CNTN6: variants seen among roughly 807,000 people sequenced by gnomAD.
CNTN6 encodes contactin 6.
A neutral mutation model predicts 122.8 loss-of-function variants in CNTN6; 137 were observed. That is an observed-to-expected ratio of 1.12 (90% confidence interval 0.97 to 1.29). The LOEUF is 1.29. CNTN6 is among the 50% of genes most tolerant of loss of function. CNTN6 has a pLI of 0.00. For missense variants in CNTN6, 1,634 were observed against 1,223.4 expected (o/e 1.34, Z -5.01); for synonymous variants, 570 against 426.0 (o/e 1.34, Z -4.16).
intron 7 of CNTN6, among the ~76,000 whole-genome samples, chr3:1,317,444 T>C (rs1700247112): frequency 1.3e-5 from 2 of 151,876 alleles, no homozygotes; most frequent in Admixed American, 1.3e-4. Flanking sequence ...AAAAATAATA[T>C]ATTGGCTAAC....
intron 12 of CNTN6, among the ~76,000 whole-genome samples, chr3:1,356,008 T>C (rs1311709525): frequency 2.6e-5 from 4 of 151,752 alleles, no homozygotes; most frequent in Non-Finnish European, 4.4e-5. Context: ...TTCCAGCGCC[T>C]CAGAAGATGC....
intron 4 of CNTN6, among the ~76,000 whole-genome samples, chr3:1,266,806 G>C (rs2094932843): frequency 2.0e-5 from 3 of 152,108 alleles, no homozygotes; most frequent in Admixed American, 2.0e-4. Context: ...AGTTGTTCTT[G>C]GAAGGGCACA....
chr3:1,191,732 G>A (rs75944935), intron 2 of CNTN6, among the ~76,000 whole-genome samples: 3,451 of 152,246 alleles, frequency 0.023, 72 homozygotes, highest in Non-Finnish European at 0.032. Flanking sequence ...GGGTGTTCTT[G>A]TGGGATTGAA....
chr3:1,302,910 T>C lies in CNTN6; in HGVS notation c.761+4919T>C, dbSNP rs1697670254. On this transcript the variant is annotated intron_variant, in intron 7 of 22. Transcript: ENST00000446702. ...ATTATCTTTTATGCCATTTGTAATC[T>C]CCCTTCTGTCCAAGTTCTTAATCTT... Among the ~76,000 whole-genome samples the C allele has an allele frequency of 2.0e-5, 3 of 151,284 alleles. No individual in the cohort carries two copies. In the South Asian group the frequency reaches 6.3e-4, roughly 32 times the overall value.
chr3:1,157,317 A>C (rs2092997010), intron 2 of CNTN6, among the ~76,000 whole-genome samples: 1 of 151,974 alleles, frequency 6.6e-6, no homozygotes, highest in Admixed American at 6.6e-5. Flanking sequence ...TCCCAGGTTC[A>C]AGCGTTTCTC....
intron 3 of CNTN6, among the ~76,000 whole-genome samples, chr3:1,224,099 T>C (rs1301974291): frequency 2.0e-5 from 3 of 152,120 alleles, no homozygotes; most frequent in Non-Finnish European, 4.4e-5. Flanking sequence ...AATTTAGATT[T>C]TGGTGTTCTC....
chr3:1,293,451 T>G (rs1456359683), intron 5 of CNTN6, among the ~76,000 whole-genome samples: 1 of 152,176 alleles, frequency 6.6e-6, no homozygotes, highest in African/African-American at 2.4e-5. Flanking sequence ...CTTTTACTTT[T>G]GGGAATTTAA....
intron 1 of CNTN6, among the ~76,000 whole-genome samples, chr3:1,117,552 A>T (rs2091774262): frequency 6.6e-6 from 1 of 152,148 alleles, no homozygotes; most frequent in Admixed American, 6.5e-5. Flanking sequence ...ATATGTGAAA[A>T]TTGGGAACTT....
chr3:1,144,126 G>A (rs745403748), intron 1 of CNTN6, among the ~76,000 whole-genome samples: 1 of 152,210 alleles, frequency 6.6e-6, no homozygotes. Context: ...ACCACGCCGA[G>A]TATTACGAGT....
intron 19 of CNTN6, among the ~76,000 whole-genome samples, chr3:1,385,332 A>C (rs2126192368): frequency 6.6e-6 from 1 of 152,268 alleles, no homozygotes; most frequent in South Asian, 2.1e-4. Flanking sequence ...TAAAGCTGGT[A>C]ACCTTTAGAT....
At chr3:1,189,315 TTTCAG>T (rs1215888257) in intron 2 of CNTN6, among the ~76,000 whole-genome samples, 1 of 152,190 alleles carries the variant, frequency 6.6e-6, no homozygotes, top group East Asian at 1.9e-4. Context: ...GTAAGAAGTC[TTTCAG>T]TTCATTCTGG....
chr3:1,335,909 C>G (rs1476897858), intron 11 of CNTN6, among the ~76,000 whole-genome samples: 1 of 151,822 alleles, frequency 6.6e-6, no homozygotes, highest in East Asian at 1.9e-4. Context: ...GGTGGCACAC[C>G]CCTGTGGTGC....
At chr3:1,374,456 A>G (rs905229353) in intron 16 of CNTN6, among the ~76,000 whole-genome samples, 1 of 152,096 alleles carries the variant, frequency 6.6e-6, no homozygotes, top group Non-Finnish European at 1.5e-5. Context: ...AGTCAGCCAT[A>G]TATTTTCATC....
intron 4 of CNTN6, among the ~76,000 whole-genome samples, chr3:1,259,645 A>G (rs1238897677): frequency 6.6e-6 from 1 of 152,124 alleles, no homozygotes; most frequent in Non-Finnish European, 1.5e-5. Context: ...ACATGAGTTG[A>G]GTCTTTAAAT....
chr3:1,136,387 T>C (rs1310754179), intron 1 of CNTN6, among the ~76,000 whole-genome samples: 1 of 152,128 alleles, frequency 6.6e-6, no homozygotes, highest in Admixed American at 6.5e-5. Context: ...CGTTCACTGT[T>C]GGAAAAGCAC....
intron 4 of CNTN6, among the ~76,000 whole-genome samples, chr3:1,254,762 A>G (rs1222699239): frequency 1.1e-4 from 17 of 152,190 alleles, no homozygotes; most frequent in Admixed American, 8.5e-4. Context: ...GAAATTTCCA[A>G]TGAAGGAAAA....
chr3:1,234,415 C>T (rs566634964), intron 4 of CNTN6, among the ~76,000 whole-genome samples: 145 of 152,190 alleles, frequency 9.5e-4, no homozygotes, highest in African/African-American at 3.4e-3. Flanking sequence ...AAAACCCTCA[C>T]ATTTAGAAAT....
intron 1 of CNTN6, among the ~76,000 whole-genome samples, chr3:1,116,524 A>C (rs1260883154): frequency 6.6e-6 from 1 of 152,156 alleles, no homozygotes; most frequent in African/African-American, 2.4e-5. Flanking sequence ...TTGAATCTTC[A>C]GTGGACAACA....
intron 3 of CNTN6, among the ~76,000 whole-genome samples, chr3:1,222,306 G>A (rs1045583267): frequency 2.6e-5 from 4 of 152,078 alleles, no homozygotes; most frequent in African/African-American, 4.8e-5. Context: ...TTAAATATAT[G>A]AAAATTTGAT....
Sources: gnomAD v4.1 joint callset for allele counts (sites outside exome capture counted in the v4.1 genomes callset) on GRCh38, gnomAD v4.1.1 for gene constraint, MANE v1.5 for transcripts, NCBI Gene and HGNC (gene_info 2026-07-23, HGNC 2026-07-21) for gene names.